Variants in LRRFIP1 observed in about 807,000 individuals in gnomAD.
LRRFIP1 encodes the protein leucine-rich repeat flightless-interacting protein 1.
In LRRFIP1, 62 loss-of-function variants were observed where a neutral mutation model predicts 104.4. The ratio of observed to expected loss-of-function variants is 0.59; its 90% CI spans 0.48 to 0.73. LRRFIP1 has a LOEUF of 0.73. Among genes scored for constraint, LRRFIP1 ranks in the 30% least tolerant of loss-of-function variants. The probability of loss-of-function intolerance (pLI) is 0.00; values close to 1 mark genes in which losing one functional copy is unlikely to be tolerated. For missense variants in LRRFIP1, 796 were observed against 824.5 expected (o/e 0.97, Z 0.42); for synonymous variants, 300 against 299.0 (o/e 1.00, Z -0.03).
rs951743186 is a variant in LRRFIP1, at chr2:237,711,954, A to G, written c.184-2305A>G. Among the ~76,000 whole-genome samples, 34 of 152,354 alleles carry G rather than the reference A, an allele frequency of 2.2e-4. No homozygotes were observed. The highest frequency in any genetic ancestry group is 6.7e-4 in the African/African-American group (28 of 41,584). On this transcript the variant is annotated intron_variant, in intron 2 of 23. Transcript: ENST00000308482. This position sits in a 1 kb window ranked among gnomAD's most constrained non-coding sequence, Gnocchi z 4.4. Reference sequence around the variant, plus strand: ...GCCTTCATGAATTTCGGGTCTTTGCAAGGCGGCAGCATTCCTGTTTAAAGT... The same window carrying G: ...GCCTTCATGAATTTCGGGTCTTTGCGAGGCGGCAGCATTCCTGTTTAAAGT...
chr2:237,753,821 GGTGTGTGTGT>G (rs759587250), intron 15 of LRRFIP1, among the ~76,000 whole-genome samples: 1 of 132,954 alleles, frequency 7.5e-6, no homozygotes, highest in Non-Finnish European at 1.6e-5. Flanking sequence ...GGAATGGTAG[GGTGTGTGTGT>G]GTGTGTGTGT....
intron 1 of LRRFIP1, among the ~76,000 whole-genome samples, chr2:237,689,548 G>A (rs946507499): frequency 4.6e-5 from 7 of 152,318 alleles, no homozygotes; most frequent in African/African-American, 1.7e-4. Context: ...TACTCTGTGA[G>A]TGTCCTGGCA....
intron 1 of LRRFIP1, among the ~76,000 whole-genome samples, chr2:237,692,816 C>T (rs918952200): frequency 6.6e-6 from 1 of 152,264 alleles, no homozygotes; most frequent in Admixed American, 6.5e-5. Flanking sequence ...AGGCTCTGAC[C>T]AGGTCTGCGC....
chr2:237,765,175 A>C (rs2150886105), intron 19 of LRRFIP1: 1 of 172,462 alleles, frequency 5.8e-6, no homozygotes, highest in Middle Eastern at 2.8e-3. Flanking sequence ...AGGCAGGAGA[A>C]TCGCTTGAAC....
chr2:237,712,369 C>T (rs755307560), intron 2 of LRRFIP1, among the ~76,000 whole-genome samples: 7 of 152,048 alleles, frequency 4.6e-5, no homozygotes, highest in African/African-American at 1.2e-4. Flanking sequence ...ACATTGAGGA[C>T]GCTGGCACGC....
chr2:237,727,766 G>C (rs11686648), intron 7 of LRRFIP1, 110 bp from the exon 8 acceptor site: 25,531 of 750,086 alleles, frequency 0.034, 509 homozygotes, highest in Middle Eastern at 0.056. Flanking sequence ...TCATTCATCC[G>C]CTCCACAAGA....
chr2:237,690,991 G>T (rs1055038420), intron 1 of LRRFIP1, among the ~76,000 whole-genome samples: 1 of 151,330 alleles, frequency 6.6e-6, no homozygotes, highest in Non-Finnish European at 1.5e-5. Flanking sequence ...TCGTCCTTCG[G>T]CTCCTCAGCA....
chr2:237,767,017 TACAA>T (rs951901974), intron 19 of LRRFIP1, among the ~76,000 whole-genome samples: 3 of 151,936 alleles, frequency 2.0e-5, no homozygotes, highest in Admixed American at 6.6e-5. Flanking sequence ...AAAAAAAATA[TACAA>T]ACAATTAGCC....
Position 237,735,378 on chromosome 2 carries a change from AT to A in LRRFIP1, c.555+46del. On this transcript the variant is annotated intron_variant, in intron 10 of 23. Transcript: ENST00000308482. This position sits in a 1 kb window ranked among gnomAD's most constrained non-coding sequence, Gnocchi z 4.6. ...ACCTCCTTTCCCCCGTGCCTGCTGC[AT>A]GGCCTGGGGATGCTCGCTGGGCAGG... is the stretch of plus-strand genomic sequence containing the variant. 1 of 1,587,272 alleles carries A rather than the reference AT, an allele frequency of 6.3e-7. No individual in the cohort carries two copies. The highest frequency in any genetic ancestry group is 8.6e-7 in the Non-Finnish European group (1 of 1,164,072).
intron 6 of LRRFIP1, chr2:237,722,159 A>T (rs146912895): frequency 1.5e-3 from 236 of 152,260 alleles, no homozygotes; most frequent in Non-Finnish European, 2.7e-3. Context: ...AGAGGATGTC[A>T]GTCACTTTGG....
Position 237,779,426 on chromosome 2 carries a change from G to A in LRRFIP1, c.1817G>A (p.Arg606His), listed in dbSNP as rs1311798400. The A allele has an allele frequency of 1.2e-5, 20 of 1,612,960 alleles. No homozygotes were observed. The highest frequency in any genetic ancestry group is 1.6e-5 in the Non-Finnish European group (19 of 1,179,328). ...CTGCCTTTCCTCCGTTCCCAGCTCC[G>A]CTCTGCATTGGATAAAACAGAAGAG... ...AEKRKLQRELRSALDKTEELE... is the reference protein window; with the variant it reads ...AEKRKLQRELHSALDKTEELE... The change falls in exon 24 of 24, where the codon CGC becomes CAC. Residue 606 changes from arginine to histidine, a missense_variant. Arg to His is a conservative substitution (Grantham distance 29). Transcript: ENST00000308482.
intron 15 of LRRFIP1, among the ~76,000 whole-genome samples, chr2:237,754,125 C>T (rs186873681): frequency 2.0e-5 from 3 of 152,056 alleles, no homozygotes; most frequent in African/African-American, 4.8e-5. Flanking sequence ...AGATAAGGTG[C>T]GATCAGATGC....
chr2:237,739,331 G>T lies in LRRFIP1; in HGVS notation c.633+22G>T, dbSNP rs766408517. ...TGTGGTAAGTCGGCCTCCTGGCCTT[G>T]CTCCTACTCAGTGTCACCCTCCCTC... On this transcript the variant is annotated intron_variant, in intron 11 of 23. Transcript: ENST00000308482. 11 of 1,544,800 alleles carry T rather than the reference G, an allele frequency of 7.1e-6. No homozygotes were observed. The South Asian group carries it at 1.3e-4, about 18-fold the overall frequency.
intron 23 of LRRFIP1, among the ~76,000 whole-genome samples, 191 bp downstream of exon 23, chr2:237,774,653 G>T (rs1328341947): frequency 6.6e-6 from 1 of 152,262 alleles, no homozygotes; most frequent in Non-Finnish European, 1.5e-5. Context: ...CTTAGGGCTA[G>T]ACCCTTGCTG....
chr2:237,760,921 C>T (rs1307934498), intron 19 of LRRFIP1, among the ~76,000 whole-genome samples: 1 of 152,168 alleles, frequency 6.6e-6, no homozygotes, highest in Non-Finnish European at 1.5e-5. Context: ...TCTGATTTGT[C>T]ATAATTTGTC....
chr2:237,697,288 G>T lies in LRRFIP1; in HGVS notation c.97-11256G>T, dbSNP rs370841096. Among the ~76,000 whole-genome samples, 34 of 152,276 alleles carry T rather than the reference G, an allele frequency of 2.2e-4. No homozygotes were observed. The East Asian group carries it at 4.8e-3, about 22-fold the overall frequency. Reference sequence around the variant, plus strand: ...TCCTCCCATCTCGGCCTCCCAAAGTGCTGGGATTACAGGCATGAGCCACCA... The same window carrying T: ...TCCTCCCATCTCGGCCTCCCAAAGTTCTGGGATTACAGGCATGAGCCACCA... On this transcript the variant is annotated intron_variant, in intron 1 of 23. Coordinates refer to ENST00000308482, the MANE Select transcript of LRRFIP1 (RefSeq NM_001137550.2).
At position 237,772,215 on chromosome 2, in the gene LRRFIP1, G is replaced by A. The variant is rs773551917; in HGVS notation, c.1627+17G>A. 1.5e-5 allele frequency: 23 copies of A among 1,583,516 alleles called. No individual in the cohort carries two copies. In the South Asian group the frequency reaches 2.0e-4, roughly 14 times the overall value. On this transcript the variant is annotated intron_variant, in intron 21 of 23. Coordinates refer to ENST00000308482, the MANE Select transcript of LRRFIP1 (RefSeq NM_001137550.2). The stretch of plus-strand genomic sequence containing the variant: ...ACCTACAAAGTAAATGTCAATTCTT[G>A]TGTAGAAGTAAATGCTTTCACATGT...
intron 1 of LRRFIP1, among the ~76,000 whole-genome samples, chr2:237,662,044 C>G (rs931680534): frequency 6.6e-6 from 1 of 152,158 alleles, no homozygotes; most frequent in Non-Finnish European, 1.5e-5. Flanking sequence ...TTCCGGAGAC[C>G]GGAAGTCCAA....
intron 1 of LRRFIP1, among the ~76,000 whole-genome samples, chr2:237,641,496 C>CAAAAAAA: frequency 8.2e-6 from 1 of 121,974 alleles, no homozygotes; most frequent in African/African-American, 3.0e-5. Flanking sequence ...GACTCTGTCT[C>CAAAAAAA]AAAAAAAAAA....
Sources: allele counts gnomAD v4.1 joint callset (sites outside exome capture counted in the v4.1 genomes callset), GRCh38; gene constraint gnomAD v4.1.1; non-coding constraint Gnocchi (gnomAD v3.1); transcripts MANE v1.5; gene names NCBI Gene and HGNC (gene_info 2026-07-23, HGNC 2026-07-21).